BBX: variants seen among roughly 807,000 people sequenced by gnomAD.
The protein encoded by BBX is HMG box transcription factor BBX.
Under a neutral mutation model 100.2 loss-of-function variants are expected in BBX, and 30 were observed. The ratio of observed to expected loss-of-function variants is 0.30; its 90% CI spans 0.22 to 0.41. The LOEUF is 0.41. Ranked by LOEUF, BBX falls within the 10% of genes least tolerant of loss-of-function variation. BBX has a pLI of 1.00. For missense variants in BBX, 1,023 were observed against 1,129.8 expected, an observed-to-expected ratio of 0.91 and a Z score of 1.35; for synonymous variants, 376 against 388.1, an observed-to-expected ratio of 0.97 and a Z score of 0.37.
At chr3:107,785,775 AAGAATATCC>A (rs1174085587) in intron 13 of BBX, among the ~76,000 whole-genome samples, 1 of 152,098 alleles carries the variant, frequency 6.6e-6, no homozygotes, top group African/African-American at 2.4e-5. Flanking sequence ...GGGGCAATAC[AAGAATATCC>A]ACTCTCACCA....
At chr3:107,639,271 G>A (rs2057050832) in intron 2 of BBX, among the ~76,000 whole-genome samples, 1 of 152,128 alleles carries the variant, frequency 6.6e-6, no homozygotes, top group African/African-American at 2.4e-5. Flanking sequence ...CCTCAACAGG[G>A]GACAAGGTGG....
intron 2 of BBX, among the ~76,000 whole-genome samples, chr3:107,617,238 G>A (rs1351754337): frequency 3.3e-5 from 5 of 152,120 alleles, no homozygotes; most frequent in South Asian, 4.1e-4. Context: ...ATGCTGTTCC[G>A]TTAGTCTGTG....
intron 7 of BBX, among the ~76,000 whole-genome samples, chr3:107,735,459 CAT>C (rs752251279): frequency 1.3e-5 from 2 of 152,044 alleles, no homozygotes; most frequent in Non-Finnish European, 2.9e-5. Flanking sequence ...ATGGTCTAAT[CAT>C]ACTGGCTTTT....
At chr3:107,618,364 G>A (rs541205668) in intron 2 of BBX, among the ~76,000 whole-genome samples, 10 of 152,040 alleles carry the variant, frequency 6.6e-5, no homozygotes, top group African/African-American at 1.7e-4. Flanking sequence ...GTGTTAGTTC[G>A]AAAGTAATAC....
chr3:107,801,574 C>T (rs2070476741), intron 17 of BBX, among the ~76,000 whole-genome samples: 1 of 152,084 alleles, frequency 6.6e-6, no homozygotes, highest in South Asian at 2.1e-4. Flanking sequence ...CTTTGGAGTC[C>T]CATTGCAGAC....
chr3:107,539,103 G>C (rs983177186), intron 2 of BBX, among the ~76,000 whole-genome samples: 4 of 152,042 alleles, frequency 2.6e-5, no homozygotes, highest in Non-Finnish European at 5.9e-5. Flanking sequence ...ACAATGTTTA[G>C]TAAAGCAATA....
chr3:107,673,877 A>G (rs2059148740), intron 3 of BBX, among the ~76,000 whole-genome samples: 1 of 152,182 alleles, frequency 6.6e-6, no homozygotes, highest in South Asian at 2.1e-4. Context: ...GTCTTGTTTC[A>G]TGTAAAACAC....
chr3:107,783,546 A>G (rs890107701), intron 13 of BBX, among the ~76,000 whole-genome samples: 6 of 152,000 alleles, frequency 3.9e-5, no homozygotes, highest in African/African-American at 1.4e-4. Context: ...TCTTTATATC[A>G]TTCTTCCTAT....
At chr3:107,798,198 TAGGACATAATTTACAAG>T (rs2069955639) in intron 15 of BBX, among the ~76,000 whole-genome samples, 1 of 152,194 alleles carries the variant, frequency 6.6e-6, no homozygotes, top group Non-Finnish European at 1.5e-5. Context: ...TGATCACAAC[TAGGACATAATTTACAAG>T]AGGACATAAT....
chr3:107,786,169 A>G (rs2068399255), intron 13 of BBX, among the ~76,000 whole-genome samples: 1 of 152,104 alleles, frequency 6.6e-6, no homozygotes. Context: ...AACAAATATG[A>G]TAGAAATTAA....
chr3:107,578,832 T>C (rs1408570304), intron 2 of BBX, among the ~76,000 whole-genome samples: 4 of 152,102 alleles, frequency 2.6e-5, no homozygotes, highest in Non-Finnish European at 5.9e-5. Flanking sequence ...GTCCCCTGCT[T>C]GTGACATTTT....
At position 107,800,602 on chromosome 3, in the gene BBX, G is replaced by A. The variant is rs563061266; in HGVS notation, c.2552-493G>A. On this transcript the variant is annotated intron_variant, in intron 16 of 17. Transcript: ENST00000325805. ...TCTTTAGAACAAAATAACAACTTGG[G>A]CTCTCATTAGAACTGGTTAATGTGC... Among the ~76,000 whole-genome samples the A allele has an allele frequency of 3.9e-5, 6 of 152,146 alleles. 1 individual carries two copies. In the South Asian group the frequency reaches 6.2e-4, roughly 16 times the overall value.
chr3:107,538,434 T>G (rs1343019244), intron 2 of BBX, among the ~76,000 whole-genome samples: 1 of 152,184 alleles, frequency 6.6e-6, no homozygotes, highest in East Asian at 1.9e-4. Flanking sequence ...TGACCTTATA[T>G]GGTCATTTCT....
intron 2 of BBX, among the ~76,000 whole-genome samples, chr3:107,544,861 A>G (rs992609877): frequency 1.3e-5 from 2 of 150,468 alleles, no homozygotes; most frequent in Non-Finnish European, 3.0e-5. Flanking sequence ...AAAAAAAAAG[A>G]AAAAAAGTAG....
intron 4 of BBX, among the ~76,000 whole-genome samples, chr3:107,713,617 C>T (rs538056315): frequency 1.3e-5 from 2 of 152,218 alleles, no homozygotes; most frequent in South Asian, 2.1e-4. Flanking sequence ...AAACATTTTT[C>T]GATGTTCATA....
intron 2 of BBX, among the ~76,000 whole-genome samples, chr3:107,543,566 G>A (rs371300134): frequency 2.0e-5 from 3 of 152,240 alleles, no homozygotes; most frequent in South Asian, 4.2e-4. Flanking sequence ...AGTAGTTAAC[G>A]GATAATAAAC....
At chr3:107,634,891 G>A (rs1488302075) in intron 2 of BBX, among the ~76,000 whole-genome samples, 1 of 152,160 alleles carries the variant, frequency 6.6e-6, no homozygotes, top group African/African-American at 2.4e-5. Context: ...GTTATAGCAA[G>A]TACTCTCTTT....
At chr3:107,712,489 C>T (rs1313382363) in intron 4 of BBX, among the ~76,000 whole-genome samples, 1 of 152,152 alleles carries the variant, frequency 6.6e-6, no homozygotes, top group African/African-American at 2.4e-5. Flanking sequence ...GACCTGAGAC[C>T]TTGTAGTTCA....
At chr3:107,679,318 G>A (rs1398294201) in intron 3 of BBX, among the ~76,000 whole-genome samples, 3 of 152,026 alleles carry the variant, frequency 2.0e-5, no homozygotes, top group African/African-American at 7.2e-5. Flanking sequence ...TTTTTAATTT[G>A]TATGGAATTT....
Sources: gnomAD v4.1 joint callset for allele counts (sites outside exome capture counted in the v4.1 genomes callset) on GRCh38, gnomAD v4.1.1 for gene constraint, MANE v1.5 for transcripts, NCBI Gene and HGNC (gene_info 2026-07-23, HGNC 2026-07-21) for gene names.